Variants in FLT1 observed in about 807,000 individuals in gnomAD.
The protein encoded by FLT1 is vascular endothelial growth factor receptor 1.
Under a neutral mutation model 156.3 loss-of-function variants are expected in FLT1, and 49 were observed. That is an observed-to-expected ratio of 0.31 (90% confidence interval 0.25 to 0.40). FLT1 has a LOEUF of 0.40. Ranked by LOEUF, FLT1 falls within the 10% of genes least tolerant of loss-of-function variation. The probability of loss-of-function intolerance (pLI) is 1.00; values close to 1 mark genes in which losing one functional copy is unlikely to be tolerated. For synonymous variants in FLT1, 594 were observed against 583.8 expected (o/e 1.02, Z -0.25); for missense variants, 1,322 against 1,637.2 (o/e 0.81, Z 3.32).
At chr13:28,413,110 G>C (rs889360749) in intron 10 of FLT1, among the ~76,000 whole-genome samples, 1 of 152,078 alleles carries the variant, frequency 6.6e-6, no homozygotes, top group Non-Finnish European at 1.5e-5. Flanking sequence ...ATGGAGAAGG[G>C]GGAGTGGAGA....
intron 23 of FLT1, among the ~76,000 whole-genome samples, chr13:28,319,854 G>A (rs1477669525): frequency 6.6e-6 from 1 of 152,162 alleles, no homozygotes; most frequent in African/African-American, 2.4e-5. Flanking sequence ...CACACTCAGG[G>A]CTTGGAAAAG....
At chr13:28,438,186 G>T in intron 4 of FLT1, 35 bp downstream of exon 4, 1 of 1,603,742 alleles carries the variant, frequency 6.2e-7, no homozygotes, top group Non-Finnish European at 8.5e-7. Context: ...TATTTGCAGT[G>T]AAAGTATGCT....
chr13:28,406,643 TTATTATTATTATTAA>T (rs1335354402), intron 10 of FLT1, among the ~76,000 whole-genome samples: 5 of 23,826 alleles, frequency 2.1e-4, no homozygotes, highest in Non-Finnish European at 4.8e-4. Flanking sequence ...ATTATTATTA[TTATTATTATTATTAA>T]TATTAGAGAC....
intron 15 of FLT1, among the ~76,000 whole-genome samples, chr13:28,347,289 G>A (rs778431916): frequency 6.6e-6 from 1 of 151,710 alleles, no homozygotes; most frequent in Non-Finnish European, 1.5e-5. Flanking sequence ...TTGGGAGGCC[G>A]AGACGGGCAG....
intron 17 of FLT1, among the ~76,000 whole-genome samples, chr13:28,336,508 T>A (rs1872120284): frequency 6.6e-6 from 1 of 152,088 alleles, no homozygotes. Context: ...GATATTGGAA[T>A]CTCCTCCAAG....
chr13:28,459,201 G>A (rs1236508210), intron 3 of FLT1, among the ~76,000 whole-genome samples: 1 of 152,162 alleles, frequency 6.6e-6, no homozygotes, highest in Non-Finnish European at 1.5e-5. Context: ...TCCAGAGACT[G>A]AGAGTCCTAC....
chr13:28,458,935 C>T (rs1021539682), intron 3 of FLT1, among the ~76,000 whole-genome samples: 12 of 152,082 alleles, frequency 7.9e-5, no homozygotes, highest in Non-Finnish European at 1.5e-4. Flanking sequence ...AAAAAAACTG[C>T]GATTGCAAAC....
At chr13:28,492,417 A>G (rs1368108246) in intron 1 of FLT1, among the ~76,000 whole-genome samples, 1 of 152,242 alleles carries the variant, frequency 6.6e-6, no homozygotes, top group East Asian at 1.9e-4. Context: ...GAGAAAGAGC[A>G]ATAGAGAGGA....
intron 1 of FLT1, among the ~76,000 whole-genome samples, chr13:28,469,512 C>T (rs1313072958): frequency 6.6e-6 from 1 of 152,184 alleles, no homozygotes; most frequent in Non-Finnish European, 1.5e-5. Context: ...GTGAGTGGAA[C>T]TGGAAAGCCT....
At chr13:28,449,193 G>A in intron 3 of FLT1, among the ~76,000 whole-genome samples, 1 of 152,258 alleles carries the variant, frequency 6.6e-6, no homozygotes, top group African/African-American at 2.4e-5. Context: ...TAAGATAGGA[G>A]GATCAATCGA....
chr13:28,374,889 C>T (rs886471974), intron 14 of FLT1, among the ~76,000 whole-genome samples: 3 of 151,972 alleles, frequency 2.0e-5, no homozygotes, highest in Admixed American at 6.6e-5. Flanking sequence ...CACACACACA[C>T]CCCACCACCA....
intron 1 of FLT1, among the ~76,000 whole-genome samples, chr13:28,493,821 C>T (rs1162955758): frequency 6.6e-6 from 1 of 152,246 alleles, no homozygotes; most frequent in African/African-American, 2.4e-5. Flanking sequence ...ACTGTTCCAC[C>T]GCCCGTCTCC....
rs761475937 is a variant in FLT1, at chr13:28,384,936, C to T, written c.2065G>A (p.Glu689Lys). 107 of 1,613,962 alleles carry T rather than the reference C, an allele frequency of 6.6e-5. No individual in the cohort carries two copies. The highest frequency in any genetic ancestry group is 8.1e-5 in the Non-Finnish European group (96 of 1,180,000). ...TLDCHANGVP[E>K]PQITWFKNNH... ...TTTTTAAACCAAGTGATCTGAGGCT[C>T]GGGGACACCATTAGCATGACAGTCT... is the stretch of plus-strand genomic sequence containing the variant. The change falls in exon 14 of 30, where the codon GAG becomes AAG. Residue 689 changes from glutamate to lysine, a missense_variant. Glu to Lys is a moderately conservative substitution (Grantham distance 56, BLOSUM62 1). Around this residue, in one of 3 missense-constraint regions of FLT1, gnomAD observed 991 missense variants for 1,254.8 expected, o/e 0.79. Transcript: ENST00000282397.
intron 16 of FLT1, among the ~76,000 whole-genome samples, chr13:28,342,701 CTTGCTGAGCCTCAG>C (rs1193066082): frequency 6.6e-6 from 1 of 152,156 alleles, no homozygotes; most frequent in African/African-American, 2.4e-5. Context: ...TTAACTTTGT[CTTGCTGAGCCTCAG>C]TTGCCCTCTC....
Position 28,389,805 on chromosome 13 carries a change from T to C in FLT1, c.1960A>G (p.Thr654Ala). The C allele has an allele frequency of 1.2e-6, 2 of 1,614,244 alleles. No homozygotes were observed. The highest frequency in any genetic ancestry group is 1.7e-6 in the Non-Finnish European group (2 of 1,180,024). The change falls in exon 13 of 30, where the codon ACA becomes GCA. Residue 654 changes from threonine to alanine, a missense_variant. Coordinates refer to ENST00000282397, the MANE Select transcript of FLT1 (RefSeq NM_002019.4). ...TTGTTGCAGTGCTCACCTCTGATTGTAATTTCTTTCTTCTGGAGGATTTCT... is the reference window on the plus strand; with the variant it reads ...TTGTTGCAGTGCTCACCTCTGATTGCAATTTCTTTCTTCTGGAGGATTTCT... ...GEEILQKKEI[T>A]IRDQEAPYLL...
intron 25 of FLT1, among the ~76,000 whole-genome samples, chr13:28,316,874 C>T (rs1341207467): frequency 6.6e-6 from 1 of 152,160 alleles, no homozygotes; most frequent in Non-Finnish European, 1.5e-5. Context: ...CCGCCCGCCT[C>T]TGCCTCCCAA....
rs1207711896 is a variant in FLT1, at chr13:28,342,851, G to A, written c.2355+2594C>T. On this transcript the variant is annotated intron_variant, in intron 16 of 29. Transcript: ENST00000282397. ...AGGGCTAATCTCTAGAAATTGAGAA[G>A]GCCTTCTGATACTTCTCAAGTCCTA... Among the ~76,000 whole-genome samples, 4 of 152,224 alleles carry A rather than the reference G, an allele frequency of 2.6e-5. No individual in the cohort carries two copies. The East Asian group carries it at 7.7e-4, about 29-fold the overall frequency.
intron 10 of FLT1, among the ~76,000 whole-genome samples, chr13:28,413,652 C>T (rs1876462412): frequency 6.6e-6 from 1 of 152,138 alleles, no homozygotes; most frequent in South Asian, 2.1e-4. Context: ...TCCTTTAACA[C>T]ATTCAAGAAG....
intron 10 of FLT1, 68 bp from the exon 11 acceptor site, chr13:28,405,962 T>C: frequency 1.2e-6 from 1 of 828,186 alleles, no homozygotes; most frequent in Non-Finnish European, 2.1e-6. Flanking sequence ...ACAGGTGAAA[T>C]GAAAACTTGG....
Sources: gnomAD v4.1 joint callset for allele counts (sites outside exome capture counted in the v4.1 genomes callset) on GRCh38, gnomAD v4.1.1 for gene constraint, gnomAD v4.1.1 regional missense constraint, MANE v1.5 for transcripts, NCBI Gene and HGNC (gene_info 2026-07-23, HGNC 2026-07-21) for gene names.